The following TNC variants were observed in gnomAD, a reference collection of about 807,000 sequenced individuals.
The protein encoded by TNC is tenascin.
TNC carries 109 observed loss-of-function variants against 202.4 expected under a neutral mutation model. That is an observed-to-expected ratio of 0.54 (90% CI 0.46 to 0.63). The LOEUF is 0.63. TNC is among the 30% of genes least tolerant of loss of function. The probability of loss-of-function intolerance (pLI) is 0.00; values close to 1 mark genes in which losing one functional copy is unlikely to be tolerated. For missense variants in TNC, 2,756 were observed against 2,833.3 expected (o/e 0.97, Z 0.62); for synonymous variants, 1,007 against 1,089.7 (o/e 0.92, Z 1.50).
chr9:115,031,712 G>T (rs1829961590), intron 22 of TNC, 27 bp from the exon 23 acceptor site: 1 of 1,598,412 alleles, frequency 6.3e-7, no homozygotes, highest in East Asian at 2.3e-5. Context: ...AAGTATAATG[G>T]CTTTTGGTCA....
At chr9:115,088,878 T>C (rs918580822) in intron 2 of TNC, among the ~76,000 whole-genome samples, 1 of 152,286 alleles carries the variant, frequency 6.6e-6, no homozygotes. Flanking sequence ...GAAGTATCCA[T>C]TAATAATTTT....
At chr9:115,077,298 CG>C (rs1833945039) in intron 7 of TNC, among the ~76,000 whole-genome samples, 1 of 150,602 alleles carries the variant, frequency 6.6e-6, no homozygotes, top group Non-Finnish European at 1.5e-5. Flanking sequence ...CCTCGTGATT[CG>C]CCCGCCTTGG....
rs535209515 is a variant in TNC, at chr9:115,062,897, C to G, written c.4033+20G>C. ...TGCTGGCTCCTATCATGTCTCCAGTCTGGGAGGAGGGTCATATACCTGTGA... is the reference window on the plus strand; with the variant it reads ...TGCTGGCTCCTATCATGTCTCCAGTGTGGGAGGAGGGTCATATACCTGTGA... On this transcript the variant is annotated intron_variant, in intron 13 of 27. Coordinates refer to ENST00000350763, the MANE Select transcript of TNC (RefSeq NM_002160.4). 82 of 1,601,620 alleles carry G rather than the reference C, an allele frequency of 5.1e-5. No individual in the cohort carries two copies. In the South Asian group the frequency reaches 8.5e-4, roughly 17 times the overall value.
At chr9:115,047,879 AG>A (rs1831327068) in intron 16 of TNC, among the ~76,000 whole-genome samples, 1 of 151,980 alleles carries the variant, frequency 6.6e-6, no homozygotes, top group East Asian at 1.9e-4. Flanking sequence ...AGATGGCAAA[AG>A]TTTTAAATAC....
At chr9:115,058,789 C>A (rs1832321825) in intron 14 of TNC, among the ~76,000 whole-genome samples, 1 of 152,212 alleles carries the variant, frequency 6.6e-6, no homozygotes, top group African/African-American at 2.4e-5. Flanking sequence ...TACCGAGCTT[C>A]AAACCCATGG....
intron 15 of TNC, among the ~76,000 whole-genome samples, chr9:115,053,204 G>C (rs961078511): frequency 6.6e-6 from 1 of 152,124 alleles, no homozygotes; most frequent in African/African-American, 2.4e-5. Context: ...TTTCTCTGCA[G>C]GTGTATATTT....
intron 1 of TNC, among the ~76,000 whole-genome samples, chr9:115,092,591 T>C (rs992447182): frequency 6.6e-6 from 1 of 152,162 alleles, no homozygotes; most frequent in African/African-American, 2.4e-5. Flanking sequence ...TATTTATTTT[T>C]GAGACAGAGT....
intron 17 of TNC, among the ~76,000 whole-genome samples, chr9:115,043,921 A>G (rs1830971560): frequency 1.3e-5 from 2 of 152,360 alleles, no homozygotes; most frequent in African/African-American, 4.8e-5. Flanking sequence ...CTGTGGGTAA[A>G]GAAATTCTGC....
At chr9:115,031,251 A>G (rs1313349278) in intron 23 of TNC, among the ~76,000 whole-genome samples, 1 of 152,228 alleles carries the variant, frequency 6.6e-6, no homozygotes, top group Non-Finnish European at 1.5e-5. Context: ...CAGAGGATTT[A>G]TTATTAATCT....
chr9:115,028,815 T>A (rs2131609007), intron 25 of TNC, among the ~76,000 whole-genome samples: 1 of 151,734 alleles, frequency 6.6e-6, no homozygotes, highest in East Asian at 1.9e-4. Context: ...TTTTTTGTCA[T>A]TCTGCTTTTT....
intron 1 of TNC, among the ~76,000 whole-genome samples, chr9:115,114,529 A>G (rs1405227063): frequency 6.6e-6 from 1 of 152,196 alleles, no homozygotes; most frequent in Non-Finnish European, 1.5e-5. Context: ...GTTTCCAGGC[A>G]GAGAGTTGCA....
Position 115,021,205 on chromosome 9 carries a change from C to T in TNC, c.6558G>A (p.Leu2186=). Residue 2186 remains leucine, a synonymous_variant, in exon 28 of 28, where the codon CTG becomes CTA. Transcript: ENST00000350763. ...CAAGATTTCTGAAGTTGCTTGGTCT[C>T]AGCTTCATCTCAGCAAACTGGATTG... ...EHSIQFAEMK[L]RPSNFRNLEG... is the part of the protein sequence containing the mutation. The T allele has an allele frequency of 2.5e-6, 4 of 1,613,764 alleles. No homozygotes were observed. Among genetic ancestry groups the T allele is most frequent in the Non-Finnish European group, 3.4e-6 (4 of 1,179,964 alleles).
chr9:115,077,976 A>C lies in TNC; in HGVS notation c.2641T>G (p.Ser881Ala), dbSNP rs61737739. The C allele has an allele frequency of 1.0e-3, 1,660 of 1,614,170 alleles. 4 individuals are homozygous for C. The highest frequency in any genetic ancestry group is 1.3e-3 in the Non-Finnish European group (1,531 of 1,180,022). Residue 881 changes from serine to alanine, a missense_variant, in exon 7 of 28, where the codon TCA becomes GCA. Physicochemically the swap from Ser to Ala is moderately conservative, Grantham distance 99 (BLOSUM62 1). Transcript: ENST00000350763. ...AAGGTCTCTTTGGCTGGGTTGCTTG[A>C]CATGTCACCTCTGCGGGAGATGAGG... ...VSLISRRGDM[S>A]SNPAKETFTT...
At chr9:115,104,316 C>T (rs937707937) in intron 1 of TNC, among the ~76,000 whole-genome samples, 4 of 152,054 alleles carry the variant, frequency 2.6e-5, no homozygotes, top group Non-Finnish European at 4.4e-5. Context: ...TAGGAAGAAC[C>T]GATTACAGAC....
rs1268609582 is a variant in TNC, at chr9:115,020,601, A to T, written c.*556T>A. 2.9e-6 allele frequency: 1 copy of T among 350,716 alleles called. No homozygotes were observed. The highest frequency in any genetic ancestry group is 3.5e-5 in the Admixed American group (1 of 28,506). The allele number at this position is 350,716 out of a possible 1,614,324, so 21.7% of individuals were successfully genotyped here. On this transcript the variant is annotated 3_prime_UTR_variant, in exon 28 of 28. Coordinates refer to ENST00000350763, the MANE Select transcript of TNC (RefSeq NM_002160.4). ...GGTACTGTCCAGAAATGTTTTGGAA[A>T]GAAAGATCTCTTGAAAAATCCTTAG...
chr9:115,111,368 C>T (rs1008074909), intron 1 of TNC, among the ~76,000 whole-genome samples: 3 of 146,090 alleles, frequency 2.1e-5, no homozygotes, highest in African/African-American at 7.6e-5. Flanking sequence ...TTGTGATGTG[C>T]CTCTTGCTTA....
At chr9:115,082,906 G>A (rs1834415308) in intron 4 of TNC, 99 bp from the exon 5 acceptor site, 6 of 781,274 alleles carry the variant, frequency 7.7e-6, no homozygotes, top group Non-Finnish European at 1.3e-5. Flanking sequence ...GTCTGCAACA[G>A]TCAGGGGCTG....
chr9:115,041,306 G>T (rs866707898), intron 18 of TNC, among the ~76,000 whole-genome samples: 4 of 125,884 alleles, frequency 3.2e-5, no homozygotes, highest in East Asian at 2.5e-4. Flanking sequence ...AAGCCAGGAG[G>T]GGCGGGGGAA....
intron 8 of TNC, 132 bp downstream of exon 8, chr9:115,076,258 C>A: frequency 7.2e-7 from 1 of 1,392,678 alleles, no homozygotes; most frequent in Non-Finnish European, 1.0e-6. Flanking sequence ...TCACTGCAAT[C>A]CAATAAGCAG....
Sources: gnomAD v4.1 joint callset for allele counts (sites outside exome capture counted in the v4.1 genomes callset) on GRCh38, gnomAD v4.1.1 for gene constraint, MANE v1.5 for transcripts, NCBI Gene and HGNC (gene_info 2026-07-23, HGNC 2026-07-21) for gene names.